Variants in TRAPPC8 observed in about 807,000 individuals in gnomAD.
TRAPPC8 encodes the protein trafficking protein particle complex subunit 8.
A neutral mutation model predicts 174.3 loss-of-function variants in TRAPPC8; 54 were observed. The observed-to-expected ratio is 0.31, with a 90% confidence interval of 0.25 to 0.39. The LOEUF (loss-of-function observed/expected upper bound fraction) is 0.39, where lower values mean the gene tolerates loss of function less well. Among genes scored for constraint, TRAPPC8 ranks in the 10% least tolerant of loss-of-function variants. TRAPPC8 has a pLI of 1.00. For missense variants in TRAPPC8, 1,531 were observed against 1,699.1 expected, an observed-to-expected ratio of 0.90 and a Z score of 1.74; for synonymous variants, 630 against 579.9, an observed-to-expected ratio of 1.09 and a Z score of -1.24.
At chr18:31,860,015 C>CAAAA (rs34008216) in intron 19 of TRAPPC8, among the ~76,000 whole-genome samples, 1 of 138,042 alleles carries the variant, frequency 7.2e-6, no homozygotes. Flanking sequence ...GACTCCGTCT[C>CAAAA]AAAAAAAAAA....
At chr18:31,911,885 A>C (rs1445466107) in intron 5 of TRAPPC8, among the ~76,000 whole-genome samples, 4 of 151,476 alleles carry the variant, frequency 2.6e-5, no homozygotes, top group Non-Finnish European at 5.9e-5. Context: ...AAAAAAAAAA[A>C]AAAAAATTTT....
At chr18:31,854,300 C>A (rs964846184) in intron 21 of TRAPPC8, among the ~76,000 whole-genome samples, 1 of 152,154 alleles carries the variant, frequency 6.6e-6, no homozygotes, top group East Asian at 1.9e-4. Flanking sequence ...TTTCTCTACT[C>A]TGAGATATCT....
chr18:31,919,749 T>C (rs1240334743), intron 2 of TRAPPC8, among the ~76,000 whole-genome samples: 1 of 151,610 alleles, frequency 6.6e-6, no homozygotes, highest in Non-Finnish European at 1.5e-5. Context: ...TAGTCCCAGC[T>C]ACTCGAGAGG....
At chr18:31,866,810 G>T in intron 18 of TRAPPC8, 39 bp downstream of exon 18, 1 of 1,594,850 alleles carries the variant, frequency 6.3e-7, no homozygotes, top group Non-Finnish European at 8.5e-7. Flanking sequence ...AGTGATTTAA[G>T]AAAGTTTTCT....
chr18:31,837,704 A>G (rs1315443134), intron 27 of TRAPPC8, among the ~76,000 whole-genome samples: 1 of 152,012 alleles, frequency 6.6e-6, no homozygotes, highest in African/African-American at 2.4e-5. Context: ...TCTCAGAAAA[A>G]TTTAAAAAAA....
chr18:31,877,197 T>C (rs1270971964), intron 12 of TRAPPC8, among the ~76,000 whole-genome samples: 1 of 152,112 alleles, frequency 6.6e-6, no homozygotes, highest in Non-Finnish European at 1.5e-5. Context: ...GAAGAGGGGA[T>C]CATTTCCCGC....
chr18:31,908,182 G>A (rs1344612438), intron 8 of TRAPPC8, 121 bp downstream of exon 8: 7 of 526,234 alleles, frequency 1.3e-5, no homozygotes, highest in Non-Finnish European at 2.1e-5. Flanking sequence ...TTATCCACCT[G>A]AATTTTCACC....
chr18:31,932,693 A>G (rs1312076747), intron 1 of TRAPPC8, among the ~76,000 whole-genome samples: 1 of 152,114 alleles, frequency 6.6e-6, no homozygotes, highest in Non-Finnish European at 1.5e-5. Flanking sequence ...AAAGCAGTCC[A>G]TTACAGGGCT....
rs60913292 is a variant in TRAPPC8, at chr18:31,903,124, G to GCA, written c.1390-2100_1390-2099insTG. 8.8e-5 allele frequency among the ~76,000 whole-genome samples: 8 copies of GCA among 91,098 alleles called. No individual in the cohort carries two copies. The East Asian group carries it at 1.2e-3, about 14-fold the overall frequency. The allele number at this position is 91,098 out of a possible 152,430, so 59.8% of individuals were successfully genotyped here. A position where few individuals can be genotyped will look rare whatever the true frequency, so the allele number is the denominator to read the frequency against. On this transcript the variant is annotated intron_variant, in intron 9 of 28. Coordinates refer to ENST00000283351, the MANE Select transcript of TRAPPC8 (RefSeq NM_014939.5). ...TGATTGCGCGCGTGCGTGCGTGCGT[G>GCA]TGTGTGTGTGTGTGTGTGTTTTCCC...
chr18:31,932,460 AC>A (rs2037890347), intron 1 of TRAPPC8, among the ~76,000 whole-genome samples: 1 of 151,850 alleles, frequency 6.6e-6, no homozygotes, highest in Non-Finnish European at 1.5e-5. Flanking sequence ...CAACAAAAAA[AC>A]AATGTCCAGA....
At chr18:31,888,699 T>C (rs1344556346) in intron 12 of TRAPPC8, among the ~76,000 whole-genome samples, 2 of 152,138 alleles carry the variant, frequency 1.3e-5, no homozygotes, top group African/African-American at 4.8e-5. Flanking sequence ...TTCTCACTTG[T>C]AAGTGGGAGC....
chr18:31,880,113 ATATATATATTTT>A (rs1399840651), intron 12 of TRAPPC8, among the ~76,000 whole-genome samples: 1 of 84,134 alleles, frequency 1.2e-5, no homozygotes, highest in African/African-American at 4.8e-5. Context: ...ATATATATAT[ATATATATATTTT>A]TTTTTTTTTA....
At chr18:31,867,200 A>C (rs529509546) in intron 17 of TRAPPC8, among the ~76,000 whole-genome samples, 3 of 152,332 alleles carry the variant, frequency 2.0e-5, no homozygotes, top group African/African-American at 7.2e-5. Flanking sequence ...AGAAGAAAGC[A>C]ACAGGCTTCT....
In TRAPPC8 at chr18:31,909,765, C is replaced by G. The variant is rs773073622; in HGVS notation, c.772-5G>C. ...AGGGCCATCTTCATATGATTCCTAT[C>G]AAAATAAAATTTAAAAAGCATTAGC... On this transcript the variant is annotated splice_polypyrimidine_tract_variant and splice_region_variant and intron_variant, in intron 5 of 28. Coordinates refer to ENST00000283351, the MANE Select transcript of TRAPPC8 (RefSeq NM_014939.5). 6.5e-7 allele frequency: 1 copy of G among 1,544,932 alleles called. No homozygotes were observed. The highest frequency in any genetic ancestry group is 8.7e-7 in the Non-Finnish European group (1 of 1,147,600).
At position 31,916,056 on chromosome 18, in the gene TRAPPC8, CAAAAAAA is replaced by C. The variant is rs34732342; in HGVS notation, c.617+209_617+215del. Among the ~76,000 whole-genome samples, 9 of 87,940 alleles carry C rather than the reference CAAAAAAA, an allele frequency of 1.0e-4. No homozygotes were observed. The East Asian group carries it at 4.3e-3, about 42-fold the overall frequency. 57.7% of individuals were successfully genotyped at this position (87,940 alleles called of 152,430 possible). A position where few individuals can be genotyped will look rare whatever the true frequency, so the allele number is the denominator to read the frequency against. On this transcript the variant is annotated intron_variant, in intron 4 of 28. Coordinates refer to ENST00000283351, the MANE Select transcript of TRAPPC8 (RefSeq NM_014939.5). ...TGGGTGACAGGGCAAGACCTCGTCT[CAAAAAAA>C]AAAAAAAAAAAGAAATCTAACATAA... is the stretch of plus-strand genomic sequence containing the variant.
At chr18:31,882,680 G>A (rs550776092) in intron 12 of TRAPPC8, among the ~76,000 whole-genome samples, 7 of 151,816 alleles carry the variant, frequency 4.6e-5, no homozygotes, top group African/African-American at 9.7e-5. Flanking sequence ...GAAGTGGCAC[G>A]ATCTCGGCCT....
chr18:31,921,618 C>CAA (rs34622423), intron 2 of TRAPPC8, among the ~76,000 whole-genome samples: 26 of 61,754 alleles, frequency 4.2e-4, no homozygotes, highest in African/African-American at 1.0e-3. Context: ...GACTCCGTCT[C>CAA]AAAAAAAAAA....
At chr18:31,886,423 T>C (rs957326772) in intron 12 of TRAPPC8, among the ~76,000 whole-genome samples, 4 of 151,216 alleles carry the variant, frequency 2.6e-5, no homozygotes, top group Admixed American at 6.6e-5. Flanking sequence ...CTGATAGATA[T>C]AGAAAAAGAG....
Position 31,830,767 on chromosome 18 carries a change from G to C in TRAPPC8, c.4296C>G (p.Ile1432Met). ...AATTTCCAAGTTGTCACACATTACT[G>C]ATGATGATCAGGGCAGGCATGGAAT... ...QQNSMPALII[I>M]SNV The change falls in exon 29 of 29, where the codon ATC becomes ATG. Residue 1432 changes from isoleucine (I) to methionine (M), a missense_variant. Transcript: ENST00000283351. The C allele has an allele frequency of 6.2e-7, 1 of 1,613,228 alleles. No homozygotes were observed.
Sources: gnomAD v4.1 joint callset for allele counts (sites outside exome capture counted in the v4.1 genomes callset) on GRCh38, gnomAD v4.1.1 for gene constraint, MANE v1.5 for transcripts, NCBI Gene and HGNC (gene_info 2026-07-23, HGNC 2026-07-21) for gene names.